XDH: variants seen among roughly 807,000 people sequenced by gnomAD.
XDH encodes xanthine dehydrogenase, also known as xanthine dehydrogenase/oxidase.
Under a neutral mutation model 156.1 loss-of-function variants are expected in XDH, and 138 were observed. That is an observed-to-expected ratio of 0.88 (90% CI 0.77 to 1.02). XDH has a LOEUF of 1.02. XDH is among the 50% of genes least tolerant of loss of function. XDH has a pLI of 0.00. For synonymous variants in XDH, 669 were observed against 625.7 expected (o/e 1.07, Z -1.03); for missense variants, 1,849 against 1,684.9 (o/e 1.10, Z -1.71).
chr2:31,383,695 C>T, intron 10 of XDH, 60 bp downstream of exon 10: 1 of 1,538,742 alleles, frequency 6.5e-7, no homozygotes, highest in Non-Finnish European at 8.9e-7. Context: ...TGCCACCCAC[C>T]TTGTAACCTA....
intron 4 of XDH, among the ~76,000 whole-genome samples, chr2:31,399,082 G>T (rs1183611550): frequency 6.6e-6 from 1 of 152,234 alleles, no homozygotes; most frequent in African/African-American, 2.4e-5. Context: ...AATGGATTGG[G>T]TGTGGCATAT....
At chr2:31,361,093 TAA>T (rs1685764990) in intron 24 of XDH, among the ~76,000 whole-genome samples, 1 of 152,364 alleles carries the variant, frequency 6.6e-6, no homozygotes, top group South Asian at 2.1e-4. Flanking sequence ...TAGTAACAAG[TAA>T]AGACTTCACC....
intron 23 of XDH, among the ~76,000 whole-genome samples, chr2:31,364,899 GC>G (rs1473386046): frequency 6.6e-6 from 1 of 152,210 alleles, no homozygotes; most frequent in Non-Finnish European, 1.5e-5. Flanking sequence ...GGTTTCTAGA[GC>G]TAGGCGGAGC....
intron 24 of XDH, among the ~76,000 whole-genome samples, chr2:31,363,798 C>T (rs556314871): frequency 2.0e-5 from 3 of 152,124 alleles, no homozygotes; most frequent in Non-Finnish European, 1.5e-5. Flanking sequence ...CACTTTTCCA[C>T]GCATGCTATA....
Position 31,344,748 on chromosome 2 carries a change from A to T in XDH, c.3352-12T>A. 1 of 1,614,078 alleles carries T rather than the reference A, an allele frequency of 6.2e-7. No individual in the cohort carries two copies. Among genetic ancestry groups the T allele is most frequent in the Non-Finnish European group, 8.5e-7 (1 of 1,180,002 alleles). ...TAGGCAGCTGTGACCTGAGGAGAGG[A>T]GATGGCCATCAGGCAGGTGAAGTGA... On this transcript the variant is annotated splice_polypyrimidine_tract_variant and intron_variant, in intron 30 of 35. Transcript: ENST00000379416.
At chr2:31,371,041 C>G (rs1384682383) in intron 17 of XDH, among the ~76,000 whole-genome samples, 1 of 152,216 alleles carries the variant, frequency 6.6e-6, no homozygotes, top group Non-Finnish European at 1.5e-5. Flanking sequence ...TGGCCCTGAA[C>G]AGCTTCATAA....
Position 31,388,288 on chromosome 2 carries a change from C to A in XDH, c.503G>T (p.Gly168Val). The A allele has an allele frequency of 6.2e-7, 1 of 1,614,158 alleles. No homozygotes were observed. The highest frequency in any genetic ancestry group is 8.5e-7 in the Non-Finnish European group (1 of 1,180,010). Residue 168 changes from glycine (G) to valine (V), a missense_variant, in exon 7 of 36, where the codon GGA becomes GTA. Physicochemically the swap from Gly to Val is moderately radical, Grantham distance 109. Transcript: ENST00000379416. ...QGFRTFARDG[G>V]CCGGDGNNPN... is the part of the protein sequence containing the mutation. ...ATTATTCCCATCTCCTCCACAGCAT[C>A]CACCATCCTAGAGAGATGATGAACA... is the stretch of plus-strand genomic sequence containing the variant.
chr2:31,402,077 C>A (rs1436628841), intron 3 of XDH, among the ~76,000 whole-genome samples: 1 of 152,098 alleles, frequency 6.6e-6, no homozygotes, highest in Non-Finnish European at 1.5e-5. Context: ...CAGAGGAAAC[C>A]AGTTAGGCCT....
intron 24 of XDH, among the ~76,000 whole-genome samples, chr2:31,350,525 C>T (rs989984536): frequency 6.6e-6 from 1 of 151,828 alleles, no homozygotes; most frequent in African/African-American, 2.4e-5. Flanking sequence ...TACAGGCACG[C>T]ACCACACGCC....
At chr2:31,399,880 G>A (rs1244561266) in intron 4 of XDH, among the ~76,000 whole-genome samples, 1 of 152,156 alleles carries the variant, frequency 6.6e-6, no homozygotes, top group African/African-American at 2.4e-5. Flanking sequence ...CCCAGTCTTG[G>A]TTATGTCTTT....
intron 32 of XDH, 114 bp downstream of exon 32, chr2:31,342,069 T>G (rs1685137724): frequency 1.0e-6 from 1 of 954,176 alleles, no homozygotes; most frequent in Non-Finnish European, 1.6e-6. Context: ...CTATCCTTAA[T>G]GGAAGGCATT....
At chr2:31,370,119 T>C (rs1262894724) in intron 18 of XDH, among the ~76,000 whole-genome samples, 2 of 152,228 alleles carry the variant, frequency 1.3e-5, no homozygotes, top group African/African-American at 4.8e-5. Context: ...ACCAGTGTTG[T>C]TTTACTGCCA....
chr2:31,401,302 G>C lies in XDH; in HGVS notation c.224C>G (p.Ala75Gly). The C allele has an allele frequency of 6.2e-7, 1 of 1,614,178 alleles. No homozygotes were observed. Among genetic ancestry groups the C allele is most frequent in the South Asian group, 1.1e-5 (1 of 91,086 alleles). The stretch of plus-strand genomic sequence containing the variant: ...AACATGGTGCAAGGAGCAGATGGGG[G>C]CCAGGCAGGCATTGGCAGAAAAGTG... ...IVHFSANACL[A>G]PICSLHHVAV... is the part of the protein sequence containing the mutation. Residue 75 changes from alanine (A) to glycine (G), a missense_variant, in exon 4 of 36, where the codon GCC becomes GGC. By Grantham distance (60) the Ala-to-Gly change is moderately conservative. Coordinates refer to ENST00000379416, the MANE Select transcript of XDH (RefSeq NM_000379.4).
At chr2:31,374,295 A>G (rs1297162731) in intron 15 of XDH, among the ~76,000 whole-genome samples, 1 of 152,182 alleles carries the variant, frequency 6.6e-6, no homozygotes, top group East Asian at 1.9e-4. Flanking sequence ...GCCCTCCTCA[A>G]TTCTGTGGGA....
intron 17 of XDH, among the ~76,000 whole-genome samples, chr2:31,371,571 C>T (rs993830219): frequency 1.2e-4 from 18 of 152,094 alleles, no homozygotes; most frequent in African/African-American, 4.1e-4. Context: ...GTGGTTTGAG[C>T]GTAGACAATG....
intron 24 of XDH, among the ~76,000 whole-genome samples, chr2:31,360,557 A>G (rs1685749551): frequency 6.6e-6 from 1 of 152,162 alleles, no homozygotes; most frequent in Admixed American, 6.6e-5. Context: ...AAATCTGATG[A>G]TCTCCTGCTC....
chr2:31,399,086 G>A (rs938996297), intron 4 of XDH, among the ~76,000 whole-genome samples: 2 of 152,156 alleles, frequency 1.3e-5, no homozygotes, highest in African/African-American at 4.8e-5. Flanking sequence ...GATTGGGTGT[G>A]GCATATGACA....
chr2:31,355,812 C>T (rs1009333741), intron 24 of XDH, among the ~76,000 whole-genome samples: 2 of 152,074 alleles, frequency 1.3e-5, no homozygotes, highest in African/African-American at 2.4e-5. Flanking sequence ...TGTATAAATA[C>T]AGTTAAAAGA....
chr2:31,408,813 T>A (rs902587654), intron 1 of XDH, among the ~76,000 whole-genome samples: 1 of 152,146 alleles, frequency 6.6e-6, no homozygotes, highest in African/African-American at 2.4e-5. Flanking sequence ...GAAGTCAGTA[T>A]ATAAAACAGA....
Sources: gnomAD v4.1 joint callset for allele counts (sites outside exome capture counted in the v4.1 genomes callset) on GRCh38, gnomAD v4.1.1 for gene constraint, MANE v1.5 for transcripts, NCBI Gene and HGNC (gene_info 2026-07-23, HGNC 2026-07-21) for gene names.